The following TMEM232 variants were observed in gnomAD, a reference collection of about 807,000 sequenced individuals.
TMEM232 encodes the protein transmembrane protein 232.
TMEM232 carries 80 observed loss-of-function variants against 78.8 expected under a neutral mutation model. The ratio of observed to expected loss-of-function variants is 1.01; its 90% CI spans 0.85 to 1.22. The LOEUF is 1.22. Among genes scored for constraint, TMEM232 ranks in the 50% most tolerant of loss-of-function variants. The pLI, the probability that TMEM232 is intolerant of heterozygous loss-of-function variation, is 0.00. For synonymous variants in TMEM232, 297 were observed against 254.3 expected (o/e 1.17, Z -1.60); for missense variants, 881 against 742.2 (o/e 1.19, Z -2.17).
intron 12 of TMEM232, among the ~76,000 whole-genome samples, chr5:110,484,649 A>G (rs1179816400): frequency 1.3e-5 from 2 of 152,224 alleles, no homozygotes; most frequent in Non-Finnish European, 1.5e-5. Context: ...ATCAAAATAG[A>G]GCGGGAGTGT....
chr5:110,533,690 C>G (rs933008790), intron 11 of TMEM232, among the ~76,000 whole-genome samples: 5 of 152,144 alleles, frequency 3.3e-5, no homozygotes, highest in African/African-American at 4.8e-5. Flanking sequence ...TTCAATCTGG[C>G]CTCCCACATT....
intron 1 of TMEM232, among the ~76,000 whole-genome samples, chr5:110,723,650 C>T (rs1328379549): frequency 6.6e-6 from 1 of 152,170 alleles, no homozygotes; most frequent in African/African-American, 2.4e-5. Flanking sequence ...TGCTATATCT[C>T]TTGGTACCAC....
At chr5:110,515,728 A>G (rs539854930) in intron 12 of TMEM232, among the ~76,000 whole-genome samples, 50 of 152,318 alleles carry the variant, frequency 3.3e-4, no homozygotes, top group African/African-American at 1.1e-3. Flanking sequence ...TCTTTGCACC[A>G]TTCAGTAAAT....
chr5:110,571,432 A>G (rs1776925759), intron 10 of TMEM232, among the ~76,000 whole-genome samples: 1 of 151,998 alleles, frequency 6.6e-6, no homozygotes, highest in Non-Finnish European at 1.5e-5. Flanking sequence ...GGTCAGGAAT[A>G]TGGCCCCCAG....
intron 10 of TMEM232, among the ~76,000 whole-genome samples, chr5:110,596,676 G>A (rs1220505974): frequency 1.3e-5 from 2 of 152,180 alleles, no homozygotes; most frequent in African/African-American, 4.8e-5. Context: ...ATGATCAAGT[G>A]GGCTTCATCC....
At chr5:110,582,087 G>T (rs1469158399) in intron 10 of TMEM232, among the ~76,000 whole-genome samples, 1 of 151,980 alleles carries the variant, frequency 6.6e-6, no homozygotes, top group African/African-American at 2.4e-5. Flanking sequence ...AGCCACAGTG[G>T]AAAGCAGTTT....
intron 8 of TMEM232, among the ~76,000 whole-genome samples, chr5:110,615,254 T>G (rs1392652838): frequency 3.9e-5 from 6 of 151,990 alleles, no homozygotes; most frequent in Non-Finnish European, 1.5e-5. Flanking sequence ...CAGTTGATTC[T>G]GAGGGACTTA....
At chr5:110,427,526 A>T (rs559902911) in intron 12 of TMEM232, among the ~76,000 whole-genome samples, 4 of 152,024 alleles carry the variant, frequency 2.6e-5, no homozygotes, top group African/African-American at 9.6e-5. Context: ...TTCAAGAAAG[A>T]TGGTATACTA....
At chr5:110,482,268 A>AT (rs1561550305) in intron 12 of TMEM232, among the ~76,000 whole-genome samples, 1 of 152,064 alleles carries the variant, frequency 6.6e-6, no homozygotes, top group East Asian at 1.9e-4. Flanking sequence ...ATGAAAGAAA[A>AT]TTTTTTGAAA....
chr5:110,700,406 T>C (rs1187164958), intron 1 of TMEM232, among the ~76,000 whole-genome samples: 2 of 151,946 alleles, frequency 1.3e-5, no homozygotes, highest in Non-Finnish European at 2.9e-5. Context: ...ACTTCGGAAT[T>C]AGGGAAACTG....
chr5:110,513,927 A>C (rs988459592), intron 12 of TMEM232: 1 of 170,316 alleles, frequency 5.9e-6, no homozygotes, highest in East Asian at 1.9e-4. Flanking sequence ...TTTTGAGTAC[A>C]TATTCAGAAG....
chr5:110,725,555 A>C (rs1798068158), intron 1 of TMEM232: 1 of 152,214 alleles, frequency 6.6e-6, no homozygotes, highest in South Asian at 2.1e-4. Context: ...ATAAGGGTCC[A>C]TGCAGAATAG....
chr5:110,555,238 T>C (rs1228297711), intron 11 of TMEM232, among the ~76,000 whole-genome samples: 2 of 152,142 alleles, frequency 1.3e-5, no homozygotes, highest in South Asian at 2.1e-4. Context: ...TCTTGAAAAA[T>C]TTATTGATAT....
In TMEM232 at chr5:110,453,619, C is replaced by T. The variant is rs529096120; in HGVS notation, c.1704-28703G>A. On this transcript the variant is annotated intron_variant, in intron 12 of 13. Coordinates refer to ENST00000455884, the MANE Select transcript of TMEM232 (RefSeq NM_001039763.4). ...ACCTTTAAAACTTGATAGTACGGTG[C>T]TTATTCAGAGCAAATTTATCAGCAG... Among the ~76,000 whole-genome samples the T allele has an allele frequency of 1.7e-4, 26 of 152,218 alleles. No individual in the cohort carries two copies. In the South Asian group the frequency reaches 5.2e-3, roughly 30 times the overall value.
chr5:110,432,292 G>A (rs571397229), intron 12 of TMEM232, among the ~76,000 whole-genome samples: 43 of 151,830 alleles, frequency 2.8e-4, no homozygotes, highest in Middle Eastern at 3.4e-3. Flanking sequence ...CTTATTAGCA[G>A]AAGCCTTACA....
chr5:110,563,109 T>C (rs1224869278), intron 11 of TMEM232, among the ~76,000 whole-genome samples: 1 of 151,986 alleles, frequency 6.6e-6, no homozygotes, highest in Admixed American at 6.6e-5. Flanking sequence ...TCCGCCTTCA[T>C]TTAATATTTA....
chr5:110,534,164 A>T (rs1771966472), intron 11 of TMEM232, among the ~76,000 whole-genome samples: 1 of 152,168 alleles, frequency 6.6e-6, no homozygotes, highest in African/African-American at 2.4e-5. Context: ...TAAGAAGGCC[A>T]CCACAGTCAT....
chr5:110,660,062 G>A (rs2150098717), intron 2 of TMEM232, among the ~76,000 whole-genome samples: 1 of 152,106 alleles, frequency 6.6e-6, no homozygotes, highest in African/African-American at 2.4e-5. Context: ...TACATCCATA[G>A]ATTCAAAAAG....
rs935596017 is a variant in TMEM232, at chr5:110,519,500, G to C, written c.1703+9088C>G. ...ATGTTGGTGAGGATGTGGAGAAAGG[G>C]GAACACTTGTGGATTGTTGGAAGAA... On this transcript the variant is annotated intron_variant, in intron 12 of 13. Transcript: ENST00000455884. Among the ~76,000 whole-genome samples, 11 of 152,066 alleles carry C rather than the reference G, an allele frequency of 7.2e-5. No individual in the cohort carries two copies. The South Asian group carries it at 8.3e-4, about 11-fold the overall frequency.
Sources: allele counts gnomAD v4.1 joint callset (sites outside exome capture counted in the v4.1 genomes callset), GRCh38; gene constraint gnomAD v4.1.1; transcripts MANE v1.5; gene names NCBI Gene and HGNC (gene_info 2026-07-23, HGNC 2026-07-21).